Variants in DMD observed in about 807,000 individuals in gnomAD.
DMD encodes the protein dystrophin.
A neutral mutation model predicts 330.1 loss-of-function variants in DMD; 63 were observed. The ratio of observed to expected loss-of-function variants is 0.19; its 90% CI spans 0.16 to 0.24. The LOEUF (loss-of-function observed/expected upper bound fraction) is 0.24, where lower values mean the gene tolerates loss of function less well. Ranked by LOEUF, DMD falls within the 10% of genes least tolerant of loss-of-function variation. The pLI is 1.00. For synonymous variants in DMD, 1,223 were observed against 959.8 expected, an observed-to-expected ratio of 1.27 and a Z score of -5.07; for missense variants, 3,344 against 2,684.1, an observed-to-expected ratio of 1.25 and a Z score of -5.43.
intron 37 of DMD, 110 bp downstream of exon 37, chrX:32,362,678 T>C (rs993864317): frequency 1.1e-6 from 1 of 893,412 alleles, no homozygotes; most frequent in African/African-American, 1.9e-5. Context: ...GGCATTCATT[T>C]TCCTTTTGAA....
intron 7 of DMD, among the ~76,000 whole-genome samples, chrX:32,753,962 T>C (rs1434140615): frequency 9.0e-6 from 1 of 110,881 alleles, no homozygotes; most frequent in Non-Finnish European, 1.9e-5. Flanking sequence ...GACCCCGTGA[T>C]TTAGCCTATC....
At chrX:31,934,709 A>G (rs6628657) in intron 45 of DMD, among the ~76,000 whole-genome samples, 42,145 of 110,143 alleles carry the variant, frequency 0.38, 6,262 homozygotes, top group African/African-American at 0.56. Context: ...GTTGTCTCAT[A>G]TATTTTGGGG....
intron 62 of DMD, among the ~76,000 whole-genome samples, chrX:31,277,201 C>T (rs756471237): frequency 4.5e-5 from 5 of 111,137 alleles, no homozygotes; most frequent in Admixed American, 1.9e-4. Context: ...CTTAAATCTA[C>T]TCTCTTAGCA....
intron 2 of DMD, among the ~76,000 whole-genome samples, chrX:32,891,694 C>A (rs1024366720): frequency 1.8e-5 from 2 of 111,678 alleles, no homozygotes; most frequent in Non-Finnish European, 3.8e-5. Context: ...TCTGTTGAGA[C>A]AAAATGAAAA....
intron 44 of DMD, among the ~76,000 whole-genome samples, chrX:32,094,687 T>TACAC (rs1385217739): frequency 8.9e-6 from 1 of 111,822 alleles, no homozygotes; most frequent in African/African-American, 3.2e-5. Flanking sequence ...AACCAAGAAA[T>TACAC]AATTATTGGT....
intron 62 of DMD, among the ~76,000 whole-genome samples, chrX:31,322,697 T>C (rs2056508919): frequency 8.9e-6 from 1 of 111,760 alleles, no homozygotes; most frequent in Admixed American, 9.5e-5. Context: ...TTAAGAAGAA[T>C]TGATGGACAG....
chrX:32,875,229 G>A (rs1310514965), intron 2 of DMD, among the ~76,000 whole-genome samples: 1 of 111,090 alleles, frequency 9.0e-6, no homozygotes, highest in Non-Finnish European at 1.9e-5. Context: ...ACTCTTTCTG[G>A]TTCCCTGATT....
intron 7 of DMD, among the ~76,000 whole-genome samples, chrX:32,734,284 C>G (rs1408964772): frequency 1.1e-5 from 1 of 93,545 alleles, no homozygotes; most frequent in Admixed American, 1.2e-4. Context: ...AGCTTACCAA[C>G]CAAAAAGAGT....
At chrX:32,697,830 G>A (rs947320122) in intron 9 of DMD, 40 bp downstream of exon 9, 2 of 1,205,635 alleles carry the variant, frequency 1.7e-6, no homozygotes, top group Non-Finnish European at 2.2e-6. Flanking sequence ...CTTGGAAGCA[G>A]TTCTCTGGTT....
chrX:31,704,336 C>G (rs2084023734), intron 52 of DMD, among the ~76,000 whole-genome samples: 1 of 111,098 alleles, frequency 9.0e-6, no homozygotes, highest in South Asian at 3.8e-4. Context: ...AACTATACAT[C>G]CAGAGAAGAA....
intron 44 of DMD, among the ~76,000 whole-genome samples, chrX:32,034,568 C>A (rs745737983): frequency 6.3e-5 from 7 of 111,136 alleles, no homozygotes; most frequent in Non-Finnish European, 1.3e-4. Context: ...CTGTAGAAAA[C>A]GTATATGCTG....
At chrX:32,986,029 T>C (rs963807656) in intron 2 of DMD, among the ~76,000 whole-genome samples, 29 of 111,796 alleles carry the variant, frequency 2.6e-4, no homozygotes, top group Non-Finnish European at 4.9e-4. Flanking sequence ...CTTATTACTT[T>C]TCTAAATTGC....
intron 1 of DMD, among the ~76,000 whole-genome samples, chrX:33,165,503 C>T (rs2049004615): frequency 1.8e-5 from 2 of 110,968 alleles, no homozygotes; most frequent in South Asian, 3.8e-4. Context: ...CAACTACTAA[C>T]TAAACAATTT....
chrX:32,331,340 C>T (rs1228326798), intron 41 of DMD, among the ~76,000 whole-genome samples: 2 of 111,667 alleles, frequency 1.8e-5, no homozygotes, highest in Middle Eastern at 4.7e-3. Flanking sequence ...AAAGATAATA[C>T]TAACTTTAGT....
rs138893710 is a variant in DMD, at chrX:32,299,113, T to C, written c.6117+10969A>G. 9.9e-3 allele frequency among the ~76,000 whole-genome samples: 1,096 copies of C among 110,907 alleles called. 22 individuals are homozygous for C. Among genetic ancestry groups the C allele is most frequent in the African/African-American group, 0.035 (1,069 of 30,431 alleles). On this transcript the variant is annotated intron_variant, in intron 42 of 78. Coordinates refer to ENST00000357033, the MANE Select transcript of DMD (RefSeq NM_004006.3). Reference sequence around the variant, plus strand: ...ACAGGAAAATGGGTGATCTAGGATGTTGGGCATCTCCTGAGTGAACTTTAA... The same window carrying C: ...ACAGGAAAATGGGTGATCTAGGATGCTGGGCATCTCCTGAGTGAACTTTAA...
At chrX:31,845,375 G>GTCTCTC (rs535397626) in intron 48 of DMD, among the ~76,000 whole-genome samples, 1,414 of 59,971 alleles carry the variant, frequency 0.024, 63 homozygotes, top group Admixed American at 0.037. Flanking sequence ...ACAGAATAAA[G>GTCTCTC]TCTCTCTCTC....
chrX:31,292,332 A>C (rs929543411), intron 62 of DMD, among the ~76,000 whole-genome samples: 1 of 112,138 alleles, frequency 8.9e-6, no homozygotes, highest in Non-Finnish European at 1.9e-5. Flanking sequence ...CAGGATATCC[A>C]AAATGGTCAA....
chrX:31,753,755 T>G (rs1039251993), intron 51 of DMD, among the ~76,000 whole-genome samples: 1 of 112,066 alleles, frequency 8.9e-6, no homozygotes, highest in Admixed American at 9.5e-5. Flanking sequence ...AGAAAAATTC[T>G]ACACAATTCC....
chrX:32,981,280 T>G (rs2092701750), intron 2 of DMD, among the ~76,000 whole-genome samples: 1 of 112,262 alleles, frequency 8.9e-6, no homozygotes, highest in East Asian at 2.8e-4. Flanking sequence ...TTCCTTGTGC[T>G]GTCCATATTA....
Sources: allele counts gnomAD v4.1 joint callset (sites outside exome capture counted in the v4.1 genomes callset), GRCh38; gene constraint gnomAD v4.1.1; transcripts MANE v1.5; gene names NCBI Gene and HGNC (gene_info 2026-07-23, HGNC 2026-07-21).